Variants in AKAP9 observed in about 807,000 individuals in gnomAD.
AKAP9 encodes A-kinase anchor protein 9.
In AKAP9, 311 loss-of-function variants were observed where a neutral mutation model predicts 488.5. The observed-to-expected ratio is 0.64, with a 90% confidence interval of 0.58 to 0.70. AKAP9 has a LOEUF of 0.70. Among genes scored for constraint, AKAP9 ranks in the 30% least tolerant of loss-of-function variants. AKAP9 has a pLI of 0.00. For synonymous variants in AKAP9, 1,462 were observed against 1,483.5 expected, an observed-to-expected ratio of 0.99 and a Z score of 0.33; for missense variants, 4,215 against 4,374.5, an observed-to-expected ratio of 0.96 and a Z score of 1.03.
intron 8 of AKAP9, among the ~76,000 whole-genome samples, chr7:92,006,302 C>A (rs1472920957): frequency 1.3e-5 from 2 of 151,920 alleles, no homozygotes; most frequent in Non-Finnish European, 2.9e-5. Context: ...AGGCATGCAC[C>A]ACACACCCAG....
intron 12 of AKAP9, among the ~76,000 whole-genome samples, chr7:92,018,680 TC>T (rs1437958403): frequency 6.6e-6 from 1 of 152,190 alleles, no homozygotes; most frequent in Non-Finnish European, 1.5e-5. Flanking sequence ...AACATTTTCT[TC>T]CCTTAGCTTC....
Position 92,062,504 on chromosome 7 carries a change from T to C in AKAP9, c.5977+18T>C. 1 of 1,606,122 alleles carries C rather than the reference T, an allele frequency of 6.2e-7. No individual in the cohort carries two copies. The highest frequency in any genetic ancestry group is 8.5e-7 in the Non-Finnish European group (1 of 1,173,294). Reference sequence around the variant, plus strand: ...TGAACAACGTAAGTATTTTCAGAATTTGTATGAAACAGTCCTCTGATTTTA... The same window carrying C: ...TGAACAACGTAAGTATTTTCAGAATCTGTATGAAACAGTCCTCTGATTTTA... On this transcript the variant is annotated intron_variant, in intron 24 of 49. Coordinates refer to ENST00000356239, the MANE Select transcript of AKAP9 (RefSeq NM_005751.5).
At chr7:92,021,503 A>G (rs1004649037) in intron 12 of AKAP9, among the ~76,000 whole-genome samples, 7 of 152,112 alleles carry the variant, frequency 4.6e-5, no homozygotes, top group African/African-American at 1.7e-4. Flanking sequence ...CAATGGCTCA[A>G]TCTTGGCTCA....
chr7:92,066,989 A>G (rs752219689), intron 26 of AKAP9, among the ~76,000 whole-genome samples: 3 of 151,882 alleles, frequency 2.0e-5, no homozygotes, highest in Non-Finnish European at 2.9e-5. Flanking sequence ...CTAATATCCA[A>G]CTCTGTCTCC....
intron 1 of AKAP9, among the ~76,000 whole-genome samples, chr7:91,951,562 C>G (rs373327815): frequency 6.6e-6 from 1 of 152,126 alleles, no homozygotes; most frequent in African/African-American, 2.4e-5. Flanking sequence ...TGGGCTCAAG[C>G]GGTTCTCCCA....
chr7:91,947,046 A>C (rs1239750982), intron 1 of AKAP9, among the ~76,000 whole-genome samples: 2 of 152,166 alleles, frequency 1.3e-5, no homozygotes, highest in Non-Finnish European at 2.9e-5. Flanking sequence ...GATTCCACTA[A>C]AATTAAGATT....
chr7:92,102,273 T>C (rs1817663756), intron 45 of AKAP9, among the ~76,000 whole-genome samples: 1 of 150,978 alleles, frequency 6.6e-6, no homozygotes, highest in Admixed American at 6.6e-5. Context: ...CAAAAATATT[T>C]GCAATTAATA....
At chr7:92,052,686 A>G in intron 21 of AKAP9, 40 bp from the exon 22 acceptor site, 1 of 1,337,254 alleles carries the variant, frequency 7.5e-7, no homozygotes, top group Non-Finnish European at 1.0e-6. Context: ...AATTATGATT[A>G]TTATAATTAA....
At position 92,045,195 on chromosome 7, in the gene AKAP9, C is replaced by A; in HGVS notation, c.5350C>A (p.His1784Asn). The change falls in exon 21 of 50, where the codon CAT becomes AAT. Residue 1784 changes from histidine to asparagine, a missense_variant. Coordinates refer to ENST00000356239, the MANE Select transcript of AKAP9 (RefSeq NM_005751.5). ...EAEASVKSCVHEEHTRVTDES... is the reference protein window; with the variant it reads ...EAEASVKSCVNEEHTRVTDES... ...AGAGGCATCTGTAAAGTCATGTGTCCATGAGGAACATACAAGAGGTACTAG... is the reference window on the plus strand; with the variant it reads ...AGAGGCATCTGTAAAGTCATGTGTCAATGAGGAACATACAAGAGGTACTAG... 1.2e-6 allele frequency: 2 copies of A among 1,613,656 alleles called. No individual in the cohort carries two copies. The highest frequency in any genetic ancestry group is 1.7e-6 in the Non-Finnish European group (2 of 1,179,832).
At position 92,002,229 on chromosome 7, in the gene AKAP9, C is replaced by A. The variant is rs1259922164; in HGVS notation, c.2312C>A (p.Ala771Glu). The A allele has an allele frequency of 4.4e-6, 7 of 1,590,932 alleles. No homozygotes were observed. In the Middle Eastern group the frequency reaches 5.1e-4, roughly 115 times the overall value. Residue 771 changes from alanine to glutamate, a missense_variant, in exon 8 of 50, where the codon GCA becomes GAA. Physicochemically the swap from Ala to Glu is moderately radical, Grantham distance 107. Around this residue, in one of 5 missense-constraint regions of AKAP9, gnomAD observed 2,361 missense variants for 2,430.0 expected, o/e 0.97. Coordinates refer to ENST00000356239, the MANE Select transcript of AKAP9 (RefSeq NM_005751.5). ...EKENDLQEKF[A>E]QLEAENSILK... ...GAGAATGATCTTCAAGAAAAATTTG[C>A]ACAACTTGAAGCAGAGAATAGCATT...
rs562417026 is a variant in AKAP9 at position 92,006,897 on chromosome 7, G to A, written c.3318+3662G>A. Reference sequence around the variant, plus strand: ...GATTATTAGAATCAAAAGAGATACCGGAGCTTAGAAACTACAGGAGGAACC... The same window carrying A: ...GATTATTAGAATCAAAAGAGATACCAGAGCTTAGAAACTACAGGAGGAACC... On this transcript the variant is annotated intron_variant, in intron 8 of 49. Coordinates refer to ENST00000356239, the MANE Select transcript of AKAP9 (RefSeq NM_005751.5). Among the ~76,000 whole-genome samples, 14 of 152,246 alleles carry A rather than the reference G, an allele frequency of 9.2e-5. No homozygotes were observed. In the Middle Eastern group the frequency reaches 0.01, roughly 111 times the overall value.
At position 92,027,129 on chromosome 7, in the gene AKAP9, T is replaced by G. The variant is rs554976960; in HGVS notation, c.4149-2766T>G. Among the ~76,000 whole-genome samples the G allele has an allele frequency of 2.7e-3, 326 of 120,450 alleles. 1 individual carries two copies. Among genetic ancestry groups the G allele is most frequent in the African/African-American group, 0.01 (315 of 31,060 alleles). 79.0% of individuals were successfully genotyped at this position (120,450 alleles called of 152,430 possible). ...CTAGGAAGTGAGGAGCATCTCTGCC[T>G]GGCCGCCCCATCTAGGAAGTGAGGA... On this transcript the variant is annotated intron_variant, in intron 14 of 49. Transcript: ENST00000356239.
intron 16 of AKAP9, 112 bp downstream of exon 16, chr7:92,031,716 C>A: frequency 2.5e-6 from 2 of 812,868 alleles, no homozygotes; most frequent in Non-Finnish European, 4.1e-6. Flanking sequence ...ATATATAGTT[C>A]ATCTTTAAGT....
At chr7:92,107,167 T>C (rs1818639078) in intron 47 of AKAP9, 126 bp from the exon 48 acceptor site, 1 of 937,808 alleles carries the variant, frequency 1.1e-6, no homozygotes, top group Admixed American at 2.5e-5. Context: ...TAATAGAAAA[T>C]GACTATAAAT....
At chr7:92,022,381 G>A in intron 13 of AKAP9, 29 bp downstream of exon 13, 2 of 1,449,986 alleles carry the variant, frequency 1.4e-6, no homozygotes, top group South Asian at 1.1e-5. Context: ...CCACAATGTG[G>A]TGTTTTTATA....
chr7:91,975,925 GT>G lies in AKAP9; in HGVS notation c.306+1971del, dbSNP rs34121912. ...TGGTTTGTTTTTTGTTTGTTTGTTT[GT>G]TTTTTTTTTTTTTGAGACAAAGTCT... On this transcript the variant is annotated intron_variant, in intron 2 of 49. Coordinates refer to ENST00000356239, the MANE Select transcript of AKAP9 (RefSeq NM_005751.5). Among the ~76,000 whole-genome samples the G allele has an allele frequency of 3.4e-3, 249 of 73,726 alleles. 3 individuals carry two copies. The highest frequency in any genetic ancestry group is 0.013 in the Middle Eastern group (2 of 160). 48.4% of individuals were successfully genotyped at this position (73,726 alleles called of 152,430 possible). A position where few individuals can be genotyped will look rare whatever the true frequency, so the allele number is the denominator to read the frequency against.
At chr7:92,050,316 T>G (rs188821260) in intron 21 of AKAP9, among the ~76,000 whole-genome samples, 181 of 152,074 alleles carry the variant, frequency 1.2e-3, no homozygotes, top group African/African-American at 4.1e-3. Context: ...AGGCTGGTCT[T>G]GAACTCCTGA....
Position 92,083,032 on chromosome 7 carries a change from C to T in AKAP9, c.8161-138C>T, listed in dbSNP as rs768694531. 1.2e-5 allele frequency: 12 copies of T among 972,334 alleles called. 1 individual carries two copies. The highest frequency in any genetic ancestry group is 2.8e-5 in the Admixed American group (1 of 35,580). The allele number at this position is 972,334 out of a possible 1,614,324, so 60.2% of individuals were successfully genotyped here. A position where few individuals can be genotyped will look rare whatever the true frequency, so the allele number is the denominator to read the frequency against. On this transcript the variant is annotated intron_variant, in intron 32 of 49. Transcript: ENST00000356239. The stretch of plus-strand genomic sequence containing the variant: ...ATATATATGTAAACTGTGAGCGTTT[C>T]TGAAATGTTTTTCCTACTACTCTGA...
Position 92,079,768 on chromosome 7 carries a change from A to C in AKAP9, c.7635A>C (p.Lys2545Asn), listed in dbSNP as rs1437972561. 3.7e-6 allele frequency: 6 copies of C among 1,614,122 alleles called. No homozygotes were observed. The highest frequency in any genetic ancestry group is 3.3e-5 in the Admixed American group (2 of 60,034). ...MLQKKIVNLQ[K>N]IVEEKVAAAL... ...AAAAGAAGATTGTAAACCTACAGAA[A>C]ATAGTTGAAGAAAAAGTGGCTGCTG... Residue 2545 changes from lysine (K) to asparagine (N), a missense_variant, in exon 31 of 50, where the codon AAA becomes AAC. Transcript: ENST00000356239.
Sources: allele counts gnomAD v4.1 joint callset (sites outside exome capture counted in the v4.1 genomes callset), GRCh38; gene constraint gnomAD v4.1.1; regional missense constraint gnomAD v4.1.1; transcripts MANE v1.5; gene names NCBI Gene and HGNC (gene_info 2026-07-23, HGNC 2026-07-21).